Variants in YEATS2 observed in about 807,000 individuals in gnomAD.
YEATS2 encodes the protein YEATS domain containing 2, also known as YEATS domain-containing protein 2.
In YEATS2, 77 loss-of-function variants were observed where a neutral mutation model predicts 163.2. That is an observed-to-expected ratio of 0.47 (90% CI 0.39 to 0.57). The LOEUF (loss-of-function observed/expected upper bound fraction) is 0.57, where lower values mean the gene tolerates loss of function less well. Among genes scored for constraint, YEATS2 ranks in the 20% least tolerant of loss-of-function variants. The pLI is 0.00. For missense variants in YEATS2, 1,549 were observed against 1,729.8 expected (o/e 0.90, Z 1.85); for synonymous variants, 631 against 645.1 (o/e 0.98, Z 0.33).
At chr3:183,808,932 T>G in intron 29 of YEATS2, 165 bp from the exon 30 acceptor site, 37 of 561,304 alleles carry the variant, frequency 6.6e-5, no homozygotes, top group Non-Finnish European at 6.4e-5. Context: ...ATCATGGCCT[T>G]TATCATTATG....
At chr3:183,758,730 T>G in intron 12 of YEATS2, 132 bp from the exon 13 acceptor site, 1 of 703,098 alleles carries the variant, frequency 1.4e-6, no homozygotes, top group Non-Finnish European at 2.4e-6. Context: ...AGTTTCAGCC[T>G]TAACAATGAG....
Position 183,800,524 on chromosome 3 carries a change from A to G in YEATS2, c.3384A>G (p.Ala1128=). The G allele has an allele frequency of 6.2e-7, 1 of 1,614,198 alleles. No homozygotes were observed. Residue 1128 remains alanine, a synonymous_variant, in exon 24 of 31, where the codon GCA becomes GCG. Coordinates refer to ENST00000305135, the MANE Select transcript of YEATS2 (RefSeq NM_018023.5). ...GCCTCTCTCAGGAGGGTCAGACAGCAGTGAAAACAGAAGAAAGTTCTGAGC... is the reference window on the plus strand; with the variant it reads ...GCCTCTCTCAGGAGGGTCAGACAGCGGTGAAAACAGAAGAAAGTTCTGAGC... ...PSCLSQEGQT[A]VKTEESSELG...
chr3:183,769,501 G>A (rs1722237842), intron 15 of YEATS2, among the ~76,000 whole-genome samples: 1 of 152,088 alleles, frequency 6.6e-6, no homozygotes, highest in Non-Finnish European at 1.5e-5. Context: ...TTCATGATTC[G>A]GAGGGTAAAT....
chr3:183,768,226 AC>A (rs1722104344), intron 15 of YEATS2, among the ~76,000 whole-genome samples: 1 of 152,094 alleles, frequency 6.6e-6, no homozygotes. Flanking sequence ...CGGCTTGTGG[AC>A]TAAGAAAACA....
chr3:183,760,815 C>T (rs1721271806), intron 13 of YEATS2, among the ~76,000 whole-genome samples: 1 of 152,154 alleles, frequency 6.6e-6, no homozygotes, highest in South Asian at 2.1e-4. Flanking sequence ...AACATTGCAG[C>T]TGCCTGTTTC....
At chr3:183,783,525 C>T (rs956576402) in intron 19 of YEATS2, among the ~76,000 whole-genome samples, 8 of 152,036 alleles carry the variant, frequency 5.3e-5, no homozygotes, top group African/African-American at 1.4e-4. Flanking sequence ...AGCATCATAC[C>T]CAATAGTTAG....
chr3:183,718,740 C>G (rs1464192221), intron 4 of YEATS2, 148 bp downstream of exon 4: 3 of 682,996 alleles, frequency 4.4e-6, no homozygotes, highest in Non-Finnish European at 7.1e-6. Context: ...GCTGTGTCAC[C>G]CAGGCTGGAG....
intron 1 of YEATS2, among the ~76,000 whole-genome samples, chr3:183,710,252 T>C (rs1238973675): frequency 6.6e-6 from 1 of 152,208 alleles, no homozygotes; most frequent in Non-Finnish European, 1.5e-5. Context: ...CATGTTTCCT[T>C]TTCATAAAAT....
intron 11 of YEATS2, among the ~76,000 whole-genome samples, chr3:183,755,530 G>A (rs1339671159): frequency 6.6e-6 from 1 of 152,124 alleles, no homozygotes; most frequent in Admixed American, 6.5e-5. Flanking sequence ...CATGGATGAC[G>A]TTTGATCAAT....
chr3:183,747,494 G>A (rs1325968374), intron 8 of YEATS2, among the ~76,000 whole-genome samples, 178 bp from the exon 9 acceptor site: 1 of 151,774 alleles, frequency 6.6e-6, no homozygotes, highest in Non-Finnish European at 1.5e-5. Flanking sequence ...TATGTCTGAG[G>A]TTTTTATTGA....
rs566089065 is a variant in YEATS2 at position 183,743,882 on chromosome 3, A to G, written c.925-3790A>G. Among the ~76,000 whole-genome samples, 64 of 152,180 alleles carry G rather than the reference A, an allele frequency of 4.2e-4. 1 individual carries two copies. The Middle Eastern group carries it at 0.014, about 32-fold the overall frequency. Reference sequence around the variant, plus strand: ...CTTTTTCATTCCCTTTCTTCTACAAATGGACCTCTTTCAAGCTTAAGCCAT... The same window carrying G: ...CTTTTTCATTCCCTTTCTTCTACAAGTGGACCTCTTTCAAGCTTAAGCCAT... On this transcript the variant is annotated intron_variant, in intron 8 of 30. Coordinates refer to ENST00000305135, the MANE Select transcript of YEATS2 (RefSeq NM_018023.5).
intron 1 of YEATS2, among the ~76,000 whole-genome samples, chr3:183,698,825 A>G (rs1382081633): frequency 6.6e-6 from 1 of 152,166 alleles, no homozygotes; most frequent in Non-Finnish European, 1.5e-5. Flanking sequence ...CTTAATGAGT[A>G]GAGGGTATTC....
intron 4 of YEATS2, among the ~76,000 whole-genome samples, chr3:183,719,518 T>C (rs1359787242): frequency 6.6e-6 from 1 of 152,240 alleles, no homozygotes; most frequent in Non-Finnish European, 1.5e-5. Context: ...TGAGACCTCA[T>C]TGAACTGGCC....
chr3:183,701,702 A>G (rs575843298), intron 1 of YEATS2, among the ~76,000 whole-genome samples: 2 of 152,306 alleles, frequency 1.3e-5, no homozygotes, highest in African/African-American at 4.8e-5. Context: ...GGCCTAAAAC[A>G]GTACCTTTTA....
At position 183,772,529 on chromosome 3, in the gene YEATS2, C is replaced by T. The variant is rs766929667; in HGVS notation, c.2172C>T (p.Ala724=). Reference sequence around the variant, plus strand: ...CCTTAACCAAGGCCCAGGTTACTGCCGCTGGTCCTCAGAAGAGTGGATCCC... The same window carrying T: ...CCTTAACCAAGGCCCAGGTTACTGCTGCTGGTCCTCAGAAGAGTGGATCCC... ...VQTLTKAQVT[A]AGPQKSGSQG... Residue 724 remains alanine, a synonymous_variant, in exon 16 of 31, where the codon GCC becomes GCT. Transcript: ENST00000305135. 11 of 1,613,896 alleles carry T rather than the reference C, an allele frequency of 6.8e-6. No homozygotes were observed. Among genetic ancestry groups the T allele is most frequent in the Non-Finnish European group, 9.3e-6 (11 of 1,180,038 alleles).
At chr3:183,785,802 T>C (rs980576319) in intron 19 of YEATS2, among the ~76,000 whole-genome samples, 2 of 152,216 alleles carry the variant, frequency 1.3e-5, no homozygotes, top group Admixed American at 6.5e-5. Flanking sequence ...GTTTAAAGAT[T>C]ATACGTACAT....
intron 13 of YEATS2, among the ~76,000 whole-genome samples, chr3:183,760,313 ATTTTTTTTTTTT>A (rs11417378): frequency 4.5e-5 from 5 of 110,308 alleles, no homozygotes; most frequent in South Asian, 3.0e-4. Flanking sequence ...AAACTACAGA[ATTTTTTTTTTTT>A]TTTTTTTTTT....
chr3:183,777,919 A>G (rs1374438082), intron 19 of YEATS2, among the ~76,000 whole-genome samples: 1 of 152,044 alleles, frequency 6.6e-6, no homozygotes, highest in East Asian at 1.9e-4. Flanking sequence ...CCTGGCCAAC[A>G]TGGCCAACAT....
At chr3:183,800,873 T>A (rs575438746) in intron 24 of YEATS2, 1 of 287,212 alleles carries the variant, frequency 3.5e-6, no homozygotes, top group Admixed American at 4.9e-5. Context: ...ACAAAATTTC[T>A]CCTGTTGCCA....
Sources: gnomAD v4.1 joint callset for allele counts (sites outside exome capture counted in the v4.1 genomes callset) on GRCh38, gnomAD v4.1.1 for gene constraint, MANE v1.5 for transcripts, NCBI Gene and HGNC (gene_info 2026-07-23, HGNC 2026-07-21) for gene names.